The following CEP85 variants were observed in gnomAD, a reference collection of about 807,000 sequenced individuals.
CEP85 encodes the protein centrosomal protein of 85 kDa.
In CEP85, 58 loss-of-function variants were observed where a neutral mutation model predicts 93.7. The ratio of observed to expected loss-of-function variants is 0.62; its 90% CI spans 0.50 to 0.77. CEP85 has a LOEUF of 0.77. CEP85 is among the 30% of genes least tolerant of loss of function. CEP85 has a pLI of 0.00. For synonymous variants in CEP85, 314 were observed against 338.6 expected (o/e 0.93, Z 0.80); for missense variants, 868 against 922.0 (o/e 0.94, Z 0.76).
At chr1:26,243,826 C>T (rs1339108007) in intron 2 of CEP85, among the ~76,000 whole-genome samples, 6 of 151,652 alleles carry the variant, frequency 4.0e-5, no homozygotes, top group Non-Finnish European at 5.9e-5. Flanking sequence ...GGTGAAACCG[C>T]GTCTCTACTA....
chr1:26,270,704 G>T (rs927957051), intron 9 of CEP85, among the ~76,000 whole-genome samples: 1 of 152,174 alleles, frequency 6.6e-6, no homozygotes, highest in African/African-American at 2.4e-5. Flanking sequence ...CAATGTACAT[G>T]TATGACTTAC....
At chr1:26,234,483 C>G (rs2089292736) in intron 1 of CEP85, among the ~76,000 whole-genome samples, 173 bp downstream of exon 1, 1 of 152,232 alleles carries the variant, frequency 6.6e-6, no homozygotes. Flanking sequence ...CTCTCGCGTC[C>G]CATTCCCCTC....
At chr1:26,249,941 C>G (rs2089577328) in intron 3 of CEP85, among the ~76,000 whole-genome samples, 2 of 152,114 alleles carry the variant, frequency 1.3e-5, no homozygotes, top group South Asian at 4.2e-4. Context: ...CACACAGGTA[C>G]CATCATAGTG....
chr1:26,276,493 C>T (rs762546409), intron 12 of CEP85, 42 bp from the exon 13 acceptor site: 16 of 1,487,402 alleles, frequency 1.1e-5, no homozygotes, highest in Admixed American at 1.7e-5. Context: ...CTCTTCCTCT[C>T]CCTGGGCCTG....
At chr1:26,264,619 CAG>C (rs1438655766) in intron 7 of CEP85, among the ~76,000 whole-genome samples, 2 of 152,178 alleles carry the variant, frequency 1.3e-5, no homozygotes, top group African/African-American at 4.8e-5. Flanking sequence ...ACTGTAGTAT[CAG>C]ACTTAGACTA....
chr1:26,256,724 G>A (rs1446225410), intron 4 of CEP85, among the ~76,000 whole-genome samples: 1 of 148,088 alleles, frequency 6.8e-6, no homozygotes, highest in Non-Finnish European at 1.5e-5. Context: ...TTAACCTCCC[G>A]AGTAGCTGGG....
At chr1:26,265,185 T>C (rs942954272) in intron 7 of CEP85, among the ~76,000 whole-genome samples, 3 of 152,082 alleles carry the variant, frequency 2.0e-5, no homozygotes, top group Admixed American at 2.0e-4. Context: ...GATTTTGCCA[T>C]GTTGACCAGG....
intron 1 of CEP85, among the ~76,000 whole-genome samples, chr1:26,237,516 G>A (rs943093973): frequency 2.0e-5 from 3 of 152,166 alleles, no homozygotes; most frequent in Non-Finnish European, 4.4e-5. Flanking sequence ...GTTGTCACAT[G>A]TATCAGTACT....
intron 3 of CEP85, among the ~76,000 whole-genome samples, chr1:26,250,581 A>G (rs2089590071): frequency 6.6e-6 from 1 of 152,220 alleles, no homozygotes; most frequent in Middle Eastern, 3.2e-3. Flanking sequence ...CCCAATAGAT[A>G]AGTTAAAAAT....
intron 11 of CEP85, among the ~76,000 whole-genome samples, chr1:26,272,617 ATTTT>A (rs397861910): frequency 4.3e-4 from 39 of 89,690 alleles, no homozygotes; most frequent in African/African-American, 1.9e-3. Flanking sequence ...CTATTACAGC[ATTTT>A]TTTTTTTTTT....
intron 3 of CEP85, among the ~76,000 whole-genome samples, chr1:26,248,603 C>G (rs1365239709): frequency 6.6e-6 from 1 of 151,514 alleles, no homozygotes; most frequent in African/African-American, 2.4e-5. Flanking sequence ...TCAAGCGATT[C>G]TCCTCTTTCA....
intron 3 of CEP85, among the ~76,000 whole-genome samples, chr1:26,253,544 C>T (rs2089651460): frequency 6.6e-6 from 1 of 151,900 alleles, no homozygotes; most frequent in African/African-American, 2.4e-5. Flanking sequence ...CGCGTGCCAC[C>T]ATACCTGGCT....
intron 3 of CEP85, among the ~76,000 whole-genome samples, chr1:26,253,811 G>T (rs1381949373): frequency 6.6e-6 from 1 of 151,862 alleles, no homozygotes; most frequent in African/African-American, 2.4e-5. Context: ...GGAGGCTGAG[G>T]CAGGTGGATC....
chr1:26,274,672 G>A lies in CEP85; in HGVS notation c.1795-292G>A, dbSNP rs553392501. ...ATGAGGGCCAGTCATTCATCGTGAC[G>A]GTGTAGAGGCTGGCCATGTGGAGGG... On this transcript the variant is annotated intron_variant, in intron 11 of 13. Transcript: ENST00000451429. Among the ~76,000 whole-genome samples the A allele has an allele frequency of 5.3e-5, 8 of 152,264 alleles. No homozygotes were observed. In the East Asian group the frequency reaches 9.6e-4, roughly 18 times the overall value.
chr1:26,237,084 G>A (rs1281714333), intron 1 of CEP85, among the ~76,000 whole-genome samples: 1 of 151,998 alleles, frequency 6.6e-6, no homozygotes, highest in African/African-American at 2.4e-5. Flanking sequence ...GAGGGGTGTA[G>A]GACTCCACCA....
At chr1:26,268,351 C>T (rs1325426624) in intron 7 of CEP85, 132 bp from the exon 8 acceptor site, 1 of 949,068 alleles carries the variant, frequency 1.1e-6, no homozygotes, top group Non-Finnish European at 1.6e-6. Flanking sequence ...CCAGCTACTC[C>T]AGGGGCTGAG....
Position 26,272,077 on chromosome 1 carries a change from C to A in CEP85, c.1794+6C>A. Reference sequence around the variant, plus strand: ...AGTTGCGCTCACAAGTACAGGTGAGCAGGAATCCTTGGGACATGGTGGGCA... The same window carrying A: ...AGTTGCGCTCACAAGTACAGGTGAGAAGGAATCCTTGGGACATGGTGGGCA... On this transcript the variant is annotated splice_donor_region_variant and intron_variant, in intron 11 of 13. Coordinates refer to ENST00000451429, the MANE Select transcript of CEP85 (RefSeq NM_001319944.2). 1 of 1,613,388 alleles carries A rather than the reference C, an allele frequency of 6.2e-7. No homozygotes were observed. The highest frequency in any genetic ancestry group is 1.3e-5 in the African/African-American group (1 of 75,024).
Position 26,255,671 on chromosome 1 carries a change from C to A in CEP85, c.709C>A (p.Arg237=). 2 of 1,614,074 alleles carry A rather than the reference C, an allele frequency of 1.2e-6. No homozygotes were observed. Among genetic ancestry groups the A allele is most frequent in the Non-Finnish European group, 1.7e-6 (2 of 1,179,996 alleles). The change falls in exon 4 of 14, where the codon CGG becomes AGG. Residue 237 remains arginine (R), a synonymous_variant. Coordinates refer to ENST00000451429, the MANE Select transcript of CEP85 (RefSeq NM_001319944.2). ...ACCGGGCAGCGGGGCAGTGTTTGAG[C>A]GGAATGGACCACATTCTAATAGCAG... ...KAPGSGAVFE[R]NGPHSNSSGV...
rs760294988 is a variant in CEP85 at position 26,255,730 on chromosome 1, C to T, written c.768C>T (p.Pro256=). The T allele has an allele frequency of 9.3e-6, 15 of 1,614,002 alleles. No individual in the cohort carries two copies. Among genetic ancestry groups the T allele is most frequent in the South Asian group, 3.3e-5 (3 of 91,080 alleles). ...GVLPLGLQPA[P]GLSKPLPSQV... ...TCCCTTTGGGACTCCAGCCTGCTCCCGGGCTCTCCAAGCCTCTGCCCTCTC... is the reference window on the plus strand; with the variant it reads ...TCCCTTTGGGACTCCAGCCTGCTCCTGGGCTCTCCAAGCCTCTGCCCTCTC... Residue 256 remains proline (P), a synonymous_variant, in exon 4 of 14, where the codon CCC becomes CCT. Coordinates refer to ENST00000451429, the MANE Select transcript of CEP85 (RefSeq NM_001319944.2).
Sources: gnomAD v4.1 joint callset for allele counts (sites outside exome capture counted in the v4.1 genomes callset) on GRCh38, gnomAD v4.1.1 for gene constraint, MANE v1.5 for transcripts, NCBI Gene and HGNC (gene_info 2026-07-23, HGNC 2026-07-21) for gene names.